The following MMP13 variants were observed in gnomAD, a reference collection of about 807,000 sequenced individuals.
MMP13 encodes the protein matrix metallopeptidase 13.
In MMP13, 45 loss-of-function variants were observed where a neutral mutation model predicts 52.1. That is an observed-to-expected ratio of 0.86 (90% CI 0.68 to 1.11). The LOEUF (loss-of-function observed/expected upper bound fraction) is 1.11. MMP13 is among the 50% of genes least tolerant of loss of function. The probability of loss-of-function intolerance (pLI) is 0.00; values close to 1 mark genes in which losing one functional copy is unlikely to be tolerated. For synonymous variants in MMP13, 200 were observed against 204.4 expected (o/e 0.98, Z 0.18); for missense variants, 576 against 583.8 (o/e 0.99, Z 0.14).
In MMP13 at chr11:102,955,124, T is replaced by G. The variant is rs1334907450; in HGVS notation, c.362+128A>C. On this transcript the variant is annotated intron_variant, in intron 2 of 9. Coordinates refer to ENST00000260302, the MANE Select transcript of MMP13 (RefSeq NM_002427.4). The surrounding 1 kb of genome is among the most constrained non-coding windows in gnomAD (Gnocchi z 4.9). Reference sequence around the variant, plus strand: ...CAATAATAGATGTTATGAGGTATTCTCGGCAACCATATTAAAGCTATTCTG... The same window carrying G: ...CAATAATAGATGTTATGAGGTATTCGCGGCAACCATATTAAAGCTATTCTG... 1.9e-6 allele frequency: 2 copies of G among 1,056,254 alleles called. No individual in the cohort carries two copies. Among genetic ancestry groups the G allele is most frequent in the Admixed American group, 2.1e-5 (1 of 47,458 alleles). The allele number at this position is 1,056,254 out of a possible 1,614,324, so 65.4% of individuals were successfully genotyped here.
intron 9 of MMP13, 36 bp from the exon 10 acceptor site, chr11:102,944,402 G>T: frequency 7.0e-7 from 1 of 1,421,252 alleles, no homozygotes; most frequent in South Asian, 1.2e-5. Context: ...TTCAGAGTTT[G>T]AAAATAATAA....
intron 5 of MMP13, 27 bp from the exon 6 acceptor site, chr11:102,950,254 G>T (rs782684582): frequency 2.0e-6 from 3 of 1,530,896 alleles, no homozygotes; most frequent in Admixed American, 1.7e-5. Flanking sequence ...CAAGAGAGAA[G>T]TTATGAGTGT....
Position 102,951,170 on chromosome 11 carries a change from T to C in MMP13, c.799+842A>G, listed in dbSNP as rs75728026. On this transcript the variant is annotated intron_variant, in intron 5 of 9. Transcript: ENST00000260302. ...TGGGGGGGGAAGTGAAAAGGAAGAA[T>C]TTTTTTTTTACAATGGTTACTGTAG... 2.9e-4 allele frequency among the ~76,000 whole-genome samples: 43 copies of C among 150,340 alleles called. No homozygotes were observed. The East Asian group carries it at 7.8e-3, about 27-fold the overall frequency.
rs1253668959 is a variant in MMP13, at chr11:102,952,898, TAAG to T, written c.638-728_638-726del. Among the ~76,000 whole-genome samples the T allele has an allele frequency of 1.3e-5, 2 of 151,944 alleles. No homozygotes were observed. Among genetic ancestry groups the T allele is most frequent in the African/African-American group, 4.8e-5 (2 of 41,368 alleles). On this transcript the variant is annotated intron_variant, in intron 4 of 9. Transcript: ENST00000260302. This position sits in a 1 kb window ranked among gnomAD's most constrained non-coding sequence, Gnocchi z 4.3. The stretch of plus-strand genomic sequence containing the variant: ...AGAAAATAAAAAACTAAAAGAAAAA[TAAG>T]AAGTGCAAGGCAATAGGATTGTTGT...
intron 4 of MMP13, 136 bp downstream of exon 4, chr11:102,954,020 A>T (rs1591158674): frequency 1.0e-6 from 1 of 988,676 alleles, no homozygotes; most frequent in East Asian, 2.7e-5. Context: ...ACACTAATAC[A>T]TCTAAGATAA....
At chr11:102,953,638 G>A (rs1034404753) in intron 4 of MMP13, among the ~76,000 whole-genome samples, 1 of 152,114 alleles carries the variant, frequency 6.6e-6, no homozygotes. Context: ...TTTGGAGTAA[G>A]AGTCTGTCTA....
chr11:102,952,084 T>C lies in MMP13; in HGVS notation c.727A>G (p.Ile243Val), dbSNP rs537649362. The C allele has an allele frequency of 9.3e-6, 15 of 1,613,378 alleles. No individual in the cohort carries two copies. In the South Asian group the frequency reaches 1.6e-4, roughly 18 times the overall value. ...TGGCTTTTGCCGGTGTAGGTGTAGA[T>C]AGGAAACATGAGTGCTCCAGGGTCC... ...SKDPGALMFP[I>V]YTYTGKSHFM... The change falls in exon 5 of 10, where the codon ATC (isoleucine) becomes GTC (valine). Residue 243 changes from isoleucine (I) to valine (V), a missense_variant. Ile to Val is a conservative substitution (Grantham distance 29, BLOSUM62 3). Coordinates refer to ENST00000260302, the MANE Select transcript of MMP13 (RefSeq NM_002427.4). This position sits in a 1 kb window ranked among gnomAD's most constrained non-coding sequence, Gnocchi z 4.3.
Position 102,954,217 on chromosome 11 carries a change from C to T in MMP13, c.576G>A (p.Gly192=), listed in dbSNP as rs1860657192. Reference sequence around the variant, plus strand: ...AATGGGCATCTCCTCCATAATTTGGCCCAGGAGGAAAAGCATGAGCCAGCA... The same window carrying T: ...AATGGGCATCTCCTCCATAATTTGGTCCAGGAGGAAAAGCATGAGCCAGCA... The part of the protein sequence containing the change: ...SGLLAHAFPP[G]PNYGGDAHFD... The change falls in exon 4 of 10, where the codon GGG becomes GGA. Residue 192 remains glycine (G), a synonymous_variant. Coordinates refer to ENST00000260302, the MANE Select transcript of MMP13 (RefSeq NM_002427.4). The T allele has an allele frequency of 6.2e-7, 1 of 1,613,622 alleles. No individual in the cohort carries two copies. Among genetic ancestry groups the T allele is most frequent in the Admixed American group, 1.7e-5 (1 of 59,940 alleles).
intron 8 of MMP13, among the ~76,000 whole-genome samples, chr11:102,947,024 A>G (rs1483748928): frequency 6.6e-6 from 1 of 152,174 alleles, no homozygotes; most frequent in African/African-American, 2.4e-5. Context: ...GTTGATGTCA[A>G]TGCTGCCTAA....
At position 102,944,174 on chromosome 11, in the gene MMP13, C is replaced by T. The variant is rs1479881193; in HGVS notation, c.*92G>A. The T allele has an allele frequency of 1.1e-6, 1 of 923,012 alleles. No homozygotes were observed. Among genetic ancestry groups the T allele is most frequent in the African/African-American group, 1.6e-5 (1 of 61,586 alleles). The allele number at this position is 923,012 out of a possible 1,614,324, so 57.2% of individuals were successfully genotyped here. ...AAGCTTGTTCACAGAACCAAGCTTT[C>T]TCCTGATAGCTCTTCTTCCCCTACC... On this transcript the variant is annotated 3_prime_UTR_variant, in exon 10 of 10. Coordinates refer to ENST00000260302, the MANE Select transcript of MMP13 (RefSeq NM_002427.4).
rs1860439783 is a variant in MMP13 at position 102,943,330 on chromosome 11, A to G, written c.*936T>C. The G allele has an allele frequency of 6.6e-6, 1 of 152,192 alleles. No individual in the cohort carries two copies. Among genetic ancestry groups the G allele is most frequent in the Non-Finnish European group, 1.5e-5 (1 of 68,034 alleles). 9.4% of individuals were successfully genotyped at this position (152,192 alleles called of 1,614,324 possible). On this transcript the variant is annotated 3_prime_UTR_variant, in exon 10 of 10. Transcript: ENST00000260302. ...ACTTCCACTTTATAAGATATATTTT[A>G]TTTCATGCTATACAAGTCTTTAGAA... is the stretch of plus-strand genomic sequence containing the variant.
At chr11:102,947,163 C>A (rs1555016743) in intron 8 of MMP13, among the ~76,000 whole-genome samples, 1 of 152,182 alleles carries the variant, frequency 6.6e-6, no homozygotes, top group African/African-American at 2.4e-5. Flanking sequence ...GATAGGAGGG[C>A]CTTCTCTAAA....
In MMP13 at chr11:102,952,768, C is replaced by G. The variant is rs1860632744; in HGVS notation, c.638-595G>C. The stretch of plus-strand genomic sequence containing the variant: ...CTCTAGACATGATTAGCCATCTTTT[C>G]TCTACTCTAGAAGACTACTATGTCA... On this transcript the variant is annotated intron_variant, in intron 4 of 9. Coordinates refer to ENST00000260302, the MANE Select transcript of MMP13 (RefSeq NM_002427.4). The surrounding 1 kb of genome is among the most constrained non-coding windows in gnomAD (Gnocchi z 4.3). 6.6e-6 allele frequency among the ~76,000 whole-genome samples: 1 copy of G among 152,170 alleles called. No homozygotes were observed. The highest frequency in any genetic ancestry group is 2.1e-4 in the South Asian group (1 of 4,836).
Position 102,943,447 on chromosome 11 carries a change from A to G in MMP13, c.*819T>C, listed in dbSNP as rs1475290399. The G allele has an allele frequency of 6.6e-6, 1 of 152,222 alleles. No individual in the cohort carries two copies. Among genetic ancestry groups the G allele is most frequent in the Non-Finnish European group, 1.5e-5 (1 of 68,042 alleles). 9.4% of individuals were successfully genotyped at this position (152,222 alleles called of 1,614,324 possible). Reference sequence around the variant, plus strand: ...GCAACTTTTAGTCTTAAATAATCAAATAATTTATGAAAAAGGGATGCCATG... The same window carrying G: ...GCAACTTTTAGTCTTAAATAATCAAGTAATTTATGAAAAAGGGATGCCATG... On this transcript the variant is annotated 3_prime_UTR_variant, in exon 10 of 10. Coordinates refer to ENST00000260302, the MANE Select transcript of MMP13 (RefSeq NM_002427.4).
intron 8 of MMP13, among the ~76,000 whole-genome samples, chr11:102,947,667 T>TTTTGTGTG (rs1381962345): frequency 6.9e-6 from 1 of 144,810 alleles, no homozygotes; most frequent in African/African-American, 2.6e-5. Flanking sequence ...TGTTTGAGTA[T>TTTTGTGTG]TGTGTGTGTG....
At chr11:102,947,401 A>G (rs1555016771) in intron 8 of MMP13, among the ~76,000 whole-genome samples, 2 of 152,170 alleles carry the variant, frequency 1.3e-5, no homozygotes, top group Non-Finnish European at 2.9e-5. Context: ...CCCCGTCTCT[A>G]CTAAAAATAC....
In MMP13 at chr11:102,944,348, T is replaced by C. The variant is rs1455863069; in HGVS notation, c.1334A>G (p.Asn445Ser). Residue 445 changes from asparagine (N) to serine (S), a missense_variant, in exon 10 of 10, where the codon AAC (asparagine) becomes AGC (serine). Transcript: ENST00000260302. ...YEKNGYIYFF[N>S]GPIQFEYSIW... ...GCTGTATTCAAACTGTATGGGTCCG[T>C]TGAAAAAATAGATATAACCTATAAG... 6.2e-7 allele frequency: 1 copy of C among 1,611,196 alleles called. No individual in the cohort carries two copies. Among genetic ancestry groups the C allele is most frequent in the Non-Finnish European group, 8.5e-7 (1 of 1,177,588 alleles).
rs1860584948 is a variant in MMP13, at chr11:102,950,103, A to G, written c.917+7T>C. Reference sequence around the variant, plus strand: ...ATACAGACTTTATGAAAGAATCTCAAGAGTACCTGTCTTTAAAGATCATTG... The same window carrying G: ...ATACAGACTTTATGAAAGAATCTCAGGAGTACCTGTCTTTAAAGATCATTG... On this transcript the variant is annotated splice_region_variant and intron_variant, in intron 6 of 9. Coordinates refer to ENST00000260302, the MANE Select transcript of MMP13 (RefSeq NM_002427.4). 3 of 1,590,326 alleles carry G rather than the reference A, an allele frequency of 1.9e-6. No homozygotes were observed. The highest frequency in any genetic ancestry group is 2.6e-6 in the Non-Finnish European group (3 of 1,158,488).
rs1860459723 is a variant in MMP13 at position 102,944,303 on chromosome 11, A to G, written c.1379T>C (p.Val460Ala). Residue 460 changes from valine (V) to alanine (A), a missense_variant, in exon 10 of 10, where the codon GTT becomes GCT. Transcript: ENST00000260302. ...FEYSIWSNRI[V>A]RVMPANSILW... is the part of the protein sequence containing the mutation. Reference sequence around the variant, plus strand: ...AATGGAATTTGCTGGCATGACGCGAACAATACGGTTACTCCAGATGCTGTA... The same window carrying G: ...AATGGAATTTGCTGGCATGACGCGAGCAATACGGTTACTCCAGATGCTGTA... The G allele has an allele frequency of 6.2e-7, 1 of 1,613,394 alleles. No homozygotes were observed. Among genetic ancestry groups the G allele is most frequent in the African/African-American group, 1.3e-5 (1 of 74,908 alleles).
Sources: allele counts gnomAD v4.1 joint callset (sites outside exome capture counted in the v4.1 genomes callset), GRCh38; gene constraint gnomAD v4.1.1; non-coding constraint Gnocchi (gnomAD v3.1); transcripts MANE v1.5; gene names NCBI Gene and HGNC (gene_info 2026-07-23, HGNC 2026-07-21).